The following SLC45A4 variants were observed in gnomAD, a reference collection of about 807,000 sequenced individuals.
SLC45A4 encodes solute carrier family 45 member 4.
In SLC45A4, 32 loss-of-function variants were observed where a neutral mutation model predicts 63.7. The observed-to-expected ratio is 0.50, with a 90% CI of 0.38 to 0.67. The LOEUF (loss-of-function observed/expected upper bound fraction) is 0.67, where lower values mean the gene tolerates loss of function less well. Among genes scored for constraint, SLC45A4 ranks in the 30% least tolerant of loss-of-function variants. The pLI is 0.00. For missense variants in SLC45A4, 1,027 were observed against 1,157.7 expected, an observed-to-expected ratio of 0.89 and a Z score of 1.64; for synonymous variants, 535 against 510.0, an observed-to-expected ratio of 1.05 and a Z score of -0.66.
chr8:141,286,730 GC>G (rs980502081), intron 1 of SLC45A4, among the ~76,000 whole-genome samples: 2 of 136,532 alleles, frequency 1.5e-5, no homozygotes, highest in East Asian at 2.2e-4. Context: ...ATCAGCAGCA[GC>G]CCCCCCGCCC....
intron 2 of SLC45A4, among the ~76,000 whole-genome samples, chr8:141,242,755 C>T (rs558868919): frequency 2.1e-4 from 32 of 152,296 alleles, no homozygotes; most frequent in Admixed American, 1.9e-3. Flanking sequence ...CTGTCTTCCA[C>T]GAGCACCTCA....
Position 141,211,081 on chromosome 8 carries a change from G to A in SLC45A4, c.*491C>T, listed in dbSNP as rs924786728. The A allele has an allele frequency of 4.6e-5, 9 of 195,718 alleles. No homozygotes were observed. Among genetic ancestry groups the A allele is most frequent in the South Asian group, 1.5e-4 (1 of 6,652 alleles). 12.1% of individuals were successfully genotyped at this position (195,718 alleles called of 1,614,324 possible). A position where few individuals can be genotyped will look rare whatever the true frequency, so the allele number is the denominator to read the frequency against. On this transcript the variant is annotated 3_prime_UTR_variant, in exon 9 of 9. Coordinates refer to ENST00000517878, the MANE Select transcript of SLC45A4 (RefSeq NM_001286646.2). ...ATGGAGTTCCGACAGGTTCCAGCAC[G>A]CATGTCCCCTTCGCAAGCGGGGGAG... is the stretch of plus-strand genomic sequence containing the variant.
chr8:141,228,724 G>GT (rs1223340839), intron 2 of SLC45A4: 1 of 682,082 alleles, frequency 1.5e-6, no homozygotes, highest in Non-Finnish European at 1.8e-6. Flanking sequence ...ACAAAATGCA[G>GT]GTCAGGCCAT....
At chr8:141,272,487 A>G (rs1160236300) in intron 1 of SLC45A4, among the ~76,000 whole-genome samples, 1 of 152,052 alleles carries the variant, frequency 6.6e-6, no homozygotes, top group Non-Finnish European at 1.5e-5. Flanking sequence ...TTCCACCCTT[A>G]CCCACAGTAC....
At chr8:141,216,376 GT>G (rs1254412214) in intron 6 of SLC45A4, among the ~76,000 whole-genome samples, 6 of 152,218 alleles carry the variant, frequency 3.9e-5, no homozygotes, top group Admixed American at 6.5e-5. Flanking sequence ...ATTTTTGCTG[GT>G]TTTTCTCATG....
rs1054145133 is a variant in SLC45A4 at position 141,210,734 on chromosome 8, CTTTA to C, written c.*834_*837del. 4 of 152,244 alleles carry C rather than the reference CTTTA, an allele frequency of 2.6e-5. No homozygotes were observed. The highest frequency in any genetic ancestry group is 5.9e-5 in the Non-Finnish European group (4 of 68,026). The allele number at this position is 152,244 out of a possible 1,614,324, so 9.4% of individuals were successfully genotyped here. ...CATGATTCTCATGCATTTCAAAGTA[CTTTA>C]TTTAAAAAACAACTTGAGGCAGCAA... On this transcript the variant is annotated 3_prime_UTR_variant, in exon 9 of 9. Transcript: ENST00000517878.
At chr8:141,244,476 A>G (rs1277077913) in intron 2 of SLC45A4, among the ~76,000 whole-genome samples, 2 of 152,156 alleles carry the variant, frequency 1.3e-5, no homozygotes, top group African/African-American at 4.8e-5. Context: ...GGTGAGTTGG[A>G]CCTTGTCCTT....
At chr8:141,265,331 C>T (rs563694035) in intron 1 of SLC45A4, among the ~76,000 whole-genome samples, 1 of 152,284 alleles carries the variant, frequency 6.6e-6, no homozygotes, top group South Asian at 2.1e-4. Context: ...GTCACTTCAT[C>T]TCTAGGGCCT....
chr8:141,262,231 G>A (rs1829067074), intron 1 of SLC45A4, among the ~76,000 whole-genome samples: 1 of 151,112 alleles, frequency 6.6e-6, no homozygotes, highest in African/African-American at 2.4e-5. Context: ...ATGGATTAAA[G>A]ACTTACATGT....
intron 2 of SLC45A4, among the ~76,000 whole-genome samples, chr8:141,234,495 T>A (rs951532011): frequency 2.6e-5 from 4 of 152,210 alleles, no homozygotes; most frequent in African/African-American, 9.6e-5. Context: ...TTCCTGTTAC[T>A]ACATTTAGCA....
chr8:141,242,053 T>A (rs565518878), intron 2 of SLC45A4, among the ~76,000 whole-genome samples: 83 of 152,282 alleles, frequency 5.5e-4, no homozygotes, highest in Non-Finnish European at 9.4e-4. Context: ...TGGGAGCCTA[T>A]CCTCAAGCTC....
At chr8:141,253,781 A>G (rs551847145) in intron 2 of SLC45A4, among the ~76,000 whole-genome samples, 1 of 152,358 alleles carries the variant, frequency 6.6e-6, no homozygotes, top group South Asian at 2.1e-4. Context: ...TTCAACGTCA[A>G]CATCCGAAGA....
chr8:141,219,700 A>G lies in SLC45A4; in HGVS notation c.560T>C (p.Val187Ala). Reference sequence around the variant, plus strand: ...GGCCATGTCCTGCTCCTCGCTGTCCACCACGTCCAGCAGATAGGCACGGAT... The same window carrying G: ...GGCCATGTCCTGCTCCTCGCTGTCCGCCACGTCCAGCAGATAGGCACGGAT... ...GPIRAYLLDVVDSEEQDMALN... is the reference protein window; with the variant it reads ...GPIRAYLLDVADSEEQDMALN... Residue 187 changes from valine to alanine, a missense_variant, in exon 4 of 9, where the codon GTG becomes GCG. Transcript: ENST00000517878. 1.9e-6 allele frequency: 3 copies of G among 1,612,618 alleles called. No homozygotes were observed. The highest frequency in any genetic ancestry group is 2.2e-5 in the East Asian group (1 of 44,840).
chr8:141,297,512 C>CA (rs1412528787), intron 1 of SLC45A4, among the ~76,000 whole-genome samples: 1 of 152,254 alleles, frequency 6.6e-6, no homozygotes, highest in African/African-American at 2.4e-5. Flanking sequence ...ACAGGGCTTC[C>CA]AGGCTCTCCC....
At chr8:141,243,377 A>C (rs1205173435) in intron 2 of SLC45A4, among the ~76,000 whole-genome samples, 1 of 152,212 alleles carries the variant, frequency 6.6e-6, no homozygotes, top group African/African-American at 2.4e-5. Context: ...CACAAACTAG[A>C]AAGGCTTTTT....
Position 141,217,169 on chromosome 8 carries a change from G to A in SLC45A4, c.1650C>T (p.Ala550=), listed in dbSNP as rs369882519. The A allele has an allele frequency of 6.2e-7, 1 of 1,613,868 alleles. No homozygotes were observed. The highest frequency in any genetic ancestry group is 8.5e-7 in the Non-Finnish European group (1 of 1,179,996). ...TGACCCCGGCGTTGTAGGCTTGCCA[G>A]GCGGTCGAGTTCGAGGGGGCCTGTT... ...GDPKAPSNST[A]WQAYNAGVKM... is the part of the protein sequence containing the mutation. Residue 550 remains alanine, a synonymous_variant, in exon 6 of 9, where the codon GCC becomes GCT. Transcript: ENST00000517878.
At chr8:141,241,345 C>T (rs1041878064) in intron 2 of SLC45A4, among the ~76,000 whole-genome samples, 3 of 151,912 alleles carry the variant, frequency 2.0e-5, no homozygotes, top group South Asian at 2.1e-4. Context: ...GGGACAGTGG[C>T]GAGGTCCAAG....
intron 1 of SLC45A4, among the ~76,000 whole-genome samples, chr8:141,268,495 T>C (rs1829374759): frequency 6.6e-6 from 1 of 152,126 alleles, no homozygotes; most frequent in African/African-American, 2.4e-5. Flanking sequence ...CCGTAATCAA[T>C]GTCCCACTCT....
At chr8:141,228,500 C>T in intron 2 of SLC45A4, 2 of 1,333,310 alleles carry the variant, frequency 1.5e-6, no homozygotes, top group Non-Finnish European at 1.9e-6. Flanking sequence ...CACTGGCAGG[C>T]ACCTGTCTTC....
Sources: gnomAD v4.1 joint callset for allele counts (sites outside exome capture counted in the v4.1 genomes callset) on GRCh38, gnomAD v4.1.1 for gene constraint, MANE v1.5 for transcripts, NCBI Gene and HGNC (gene_info 2026-07-23, HGNC 2026-07-21) for gene names.